Variants in SGCZ observed in about 807,000 individuals in gnomAD.
The protein encoded by SGCZ is zeta-sarcoglycan.
Under a neutral mutation model 41.3 loss-of-function variants are expected in SGCZ, and 40 were observed. That is an observed-to-expected ratio of 0.97 (90% CI 0.75 to 1.26). SGCZ has a LOEUF of 1.26. Among genes scored for constraint, SGCZ ranks in the 50% most tolerant of loss-of-function variants. The probability of loss-of-function intolerance (pLI) is 0.00; values close to 1 mark genes in which losing one functional copy is unlikely to be tolerated. For missense variants in SGCZ, 552 were observed against 369.8 expected, an observed-to-expected ratio of 1.49 and a Z score of -4.04; for synonymous variants, 206 against 137.5, an observed-to-expected ratio of 1.50 and a Z score of -3.49.
At chr8:14,243,202 G>T (rs560502692) in intron 3 of SGCZ, among the ~76,000 whole-genome samples, 2 of 152,176 alleles carry the variant, frequency 1.3e-5, no homozygotes, top group Non-Finnish European at 2.9e-5. Flanking sequence ...TGTAGATGAT[G>T]TGAATTTGGT....
intron 1 of SGCZ, among the ~76,000 whole-genome samples, chr8:14,723,905 C>A (rs565222916): frequency 6.6e-6 from 1 of 151,988 alleles, no homozygotes; most frequent in Non-Finnish European, 1.5e-5. Flanking sequence ...ACCTTCATTG[C>A]CTTTATAGCA....
intron 4 of SGCZ, among the ~76,000 whole-genome samples, chr8:14,179,525 C>A (rs955690886): frequency 9.2e-5 from 14 of 152,102 alleles, no homozygotes; most frequent in Non-Finnish European, 1.9e-4. Flanking sequence ...ACTCTCTTTG[C>A]CCACCTCAGT....
intron 1 of SGCZ, among the ~76,000 whole-genome samples, chr8:14,690,016 T>C (rs1198225301): frequency 2.6e-5 from 4 of 152,078 alleles, no homozygotes; most frequent in Non-Finnish European, 5.9e-5. Flanking sequence ...CAATGGTGAA[T>C]TCTTACTTTC....
At chr8:14,964,760 C>A (rs1041695565) in intron 1 of SGCZ, among the ~76,000 whole-genome samples, 1 of 152,144 alleles carries the variant, frequency 6.6e-6, no homozygotes, top group Admixed American at 6.5e-5. Context: ...TCTCACAGAA[C>A]TCTACTAGGA....
rs191497922 is a variant in SGCZ at position 14,115,045 on chromosome 8, A to C, written c.548-6810T>G. 2.6e-4 allele frequency among the ~76,000 whole-genome samples: 40 copies of C among 151,842 alleles called. No homozygotes were observed. In the East Asian group the frequency reaches 7.1e-3, roughly 27 times the overall value. On this transcript the variant is annotated intron_variant, in intron 5 of 7. Transcript: ENST00000382080. ...AATCCATTTTCTAATTCCTACCTCC[A>C]AAAAAAATGAAAAAATTACAGTGGA...
At chr8:15,226,716 T>C (rs747444060) in intron 1 of SGCZ, among the ~76,000 whole-genome samples, 1 of 152,138 alleles carries the variant, frequency 6.6e-6, no homozygotes, top group African/African-American at 2.4e-5. Flanking sequence ...TAGAGCTACA[T>C]AACAGTAGAA....
chr8:14,425,330 G>A (rs1349767177), intron 2 of SGCZ, among the ~76,000 whole-genome samples: 2 of 152,062 alleles, frequency 1.3e-5, no homozygotes, highest in Non-Finnish European at 2.9e-5. Context: ...ATTTCAAAAA[G>A]TACATCTTGG....
chr8:14,343,067 C>T (rs541688990), intron 2 of SGCZ, among the ~76,000 whole-genome samples: 3 of 152,202 alleles, frequency 2.0e-5, no homozygotes, highest in Non-Finnish European at 2.9e-5. Context: ...GCCTTAGCAA[C>T]TTCCACATGG....
At chr8:14,194,342 T>G (rs924837004) in intron 4 of SGCZ, among the ~76,000 whole-genome samples, 1 of 151,914 alleles carries the variant, frequency 6.6e-6, no homozygotes, top group South Asian at 2.1e-4. Flanking sequence ...CCAGAGTAAG[T>G]CACCCCAGCT....
At chr8:15,136,970 G>C (rs1407980112) in intron 1 of SGCZ, among the ~76,000 whole-genome samples, 1 of 152,142 alleles carries the variant, frequency 6.6e-6, no homozygotes, top group East Asian at 1.9e-4. Context: ...AGGAAAATGT[G>C]GGAAAGTTTG....
At chr8:14,223,483 A>G (rs1206923755) in intron 4 of SGCZ, among the ~76,000 whole-genome samples, 1 of 152,174 alleles carries the variant, frequency 6.6e-6, no homozygotes, top group Non-Finnish European at 1.5e-5. Flanking sequence ...AATTAATAGA[A>G]TTCAATTTAC....
intron 1 of SGCZ, among the ~76,000 whole-genome samples, chr8:14,972,428 A>G (rs1801331395): frequency 6.6e-6 from 1 of 152,116 alleles, no homozygotes; most frequent in Non-Finnish European, 1.5e-5. Context: ...TGTAGGCAGC[A>G]TGGAATTGGG....
intron 1 of SGCZ, among the ~76,000 whole-genome samples, chr8:15,018,596 A>G (rs938975974): frequency 5.9e-5 from 9 of 152,118 alleles, no homozygotes; most frequent in African/African-American, 1.7e-4. Context: ...GATGGGCTTG[A>G]GGAAGTAAAA....
intron 1 of SGCZ, among the ~76,000 whole-genome samples, chr8:14,850,933 G>C (rs934958100): frequency 6.6e-6 from 1 of 152,174 alleles, no homozygotes; most frequent in African/African-American, 2.4e-5. Flanking sequence ...CAGCCGTACT[G>C]TGATTCAATT....
rs1803808027 is a variant in SGCZ, at chr8:14,154,237, G to T, written c.547+10343C>A. ...TACAAAAAATTAGCCAGGCGTGGTGGTGGTCGCCTGTAGTCCCAGCTAGCA... is the reference window on the plus strand; with the variant it reads ...TACAAAAAATTAGCCAGGCGTGGTGTTGGTCGCCTGTAGTCCCAGCTAGCA... On this transcript the variant is annotated intron_variant, in intron 5 of 7. Transcript: ENST00000382080. 5.2e-5 allele frequency among the ~76,000 whole-genome samples: 5 copies of T among 95,992 alleles called. No homozygotes were observed. In the Admixed American group the frequency reaches 5.6e-4, roughly 11 times the overall value. The allele number at this position is 95,992 out of a possible 152,430, so 63.0% of individuals were successfully genotyped here.
chr8:15,234,222 G>C (rs1802050770), intron 1 of SGCZ, among the ~76,000 whole-genome samples: 1 of 152,160 alleles, frequency 6.6e-6, no homozygotes, highest in Non-Finnish European at 1.5e-5. Context: ...AAAGGCTAAA[G>C]CTAGCAGTTA....
chr8:15,217,487 C>G (rs1801445804), intron 1 of SGCZ, among the ~76,000 whole-genome samples: 1 of 144,398 alleles, frequency 6.9e-6, no homozygotes, highest in Non-Finnish European at 1.5e-5. Context: ...TTTCAGTGAT[C>G]GTTTTGGTTT....
chr8:15,185,946 T>C (rs2168127), intron 1 of SGCZ, among the ~76,000 whole-genome samples: 77,751 of 151,192 alleles, frequency 0.51, 20,797 homozygotes, highest in Non-Finnish European at 0.58. Flanking sequence ...TTCTCTCGGC[T>C]GGGCGCGGTG....
chr8:14,452,855 C>T (rs923105461), intron 2 of SGCZ, among the ~76,000 whole-genome samples: 6 of 152,126 alleles, frequency 3.9e-5, no homozygotes, highest in African/African-American at 1.2e-4. Flanking sequence ...CAAATCCCAG[C>T]ACCTTGGGAG....
Sources: allele counts gnomAD v4.1 joint callset (sites outside exome capture counted in the v4.1 genomes callset), GRCh38; gene constraint gnomAD v4.1.1; transcripts MANE v1.5; gene names NCBI Gene and HGNC (gene_info 2026-07-23, HGNC 2026-07-21).